The following MAPK8IP3 variants were observed in gnomAD, a reference collection of about 807,000 sequenced individuals.
MAPK8IP3 encodes C-Jun-amino-terminal kinase-interacting protein 3.
Under a neutral mutation model 157.8 loss-of-function variants are expected in MAPK8IP3, and 49 were observed. The observed-to-expected ratio is 0.31, with a 90% CI of 0.25 to 0.39. The LOEUF (loss-of-function observed/expected upper bound fraction) is 0.39, where lower values mean the gene tolerates loss of function less well. Ranked by LOEUF, MAPK8IP3 falls within the 10% of genes least tolerant of loss-of-function variation. The pLI is 1.00. For synonymous variants in MAPK8IP3, 897 were observed against 777.7 expected (o/e 1.15, Z -2.55); for missense variants, 1,478 against 1,889.4 (o/e 0.78, Z 4.04).
chr16:1,730,191 C>T (rs913771429), intron 4 of MAPK8IP3, among the ~76,000 whole-genome samples: 1 of 152,034 alleles, frequency 6.6e-6, no homozygotes, highest in African/African-American at 2.4e-5. Context: ...AGCCCAGGGG[C>T]TGGAGGCTGC....
chr16:1,740,848 C>T (rs370447915), intron 4 of MAPK8IP3, among the ~76,000 whole-genome samples: 2 of 152,200 alleles, frequency 1.3e-5, no homozygotes, highest in East Asian at 1.9e-4. Flanking sequence ...TGTGAGAGGT[C>T]GGAAGGGCCA....
chr16:1,759,328 C>A (rs980954123), intron 10 of MAPK8IP3, among the ~76,000 whole-genome samples: 6 of 152,186 alleles, frequency 3.9e-5, no homozygotes, highest in African/African-American at 1.4e-4. Flanking sequence ...ACCCCTGAGC[C>A]CAGGCACAGA....
intron 8 of MAPK8IP3, among the ~76,000 whole-genome samples, chr16:1,756,658 A>G (rs1181439201): frequency 6.7e-6 from 1 of 149,172 alleles, no homozygotes; most frequent in African/African-American, 2.5e-5. Context: ...ACACACACAC[A>G]CACACACACA....
At position 1,743,249 on chromosome 16, in the gene MAPK8IP3, G is replaced by T; in HGVS notation, c.603-83G>T. Reference sequence around the variant, plus strand: ...GCATGGAGCGGCCCCATCACTCGAGGTCTGCTTGCCCTGGGAGGGCTTGGG... The same window carrying T: ...GCATGGAGCGGCCCCATCACTCGAGTTCTGCTTGCCCTGGGAGGGCTTGGG... On this transcript the variant is annotated intron_variant, in intron 4 of 31. Transcript: ENST00000610761. The surrounding 1 kb of genome is among the most constrained non-coding windows in gnomAD (Gnocchi z 5.6). 1 of 1,453,884 alleles carries T rather than the reference G, an allele frequency of 6.9e-7. No individual in the cohort carries two copies. Among genetic ancestry groups the T allele is most frequent in the South Asian group, 1.5e-5 (1 of 65,822 alleles). 90.1% of individuals were successfully genotyped at this position (1,453,884 alleles called of 1,614,324 possible). A position where few individuals can be genotyped will look rare whatever the true frequency, so the allele number is the denominator to read the frequency against.
intron 1 of MAPK8IP3, among the ~76,000 whole-genome samples, chr16:1,709,860 G>T (rs2037654217): frequency 6.6e-6 from 1 of 152,134 alleles, no homozygotes; most frequent in African/African-American, 2.4e-5. Flanking sequence ...GAATATTAGT[G>T]GTCATTATTT....
intron 4 of MAPK8IP3, among the ~76,000 whole-genome samples, chr16:1,736,658 G>GCATC: frequency 1.5e-5 from 1 of 67,312 alleles, no homozygotes. Flanking sequence ...GTCCGTGTGA[G>GCATC]CGTGTGACCG....
chr16:1,721,855 C>T (rs1208449819), intron 1 of MAPK8IP3, among the ~76,000 whole-genome samples: 3 of 152,136 alleles, frequency 2.0e-5, no homozygotes, highest in South Asian at 2.1e-4. Flanking sequence ...CTGCAACCTC[C>T]GCCTCCCGGG....
chr16:1,729,585 G>A lies in MAPK8IP3; in HGVS notation c.602+7G>A, dbSNP rs370596762. 38 of 1,582,410 alleles carry A rather than the reference G, an allele frequency of 2.4e-5. No individual in the cohort carries two copies. The highest frequency in any genetic ancestry group is 3.1e-5 in the Non-Finnish European group (36 of 1,162,018). On this transcript the variant is annotated splice_region_variant and intron_variant, in intron 4 of 31. Transcript: ENST00000610761. ...GCAGCCTGCCGGGGCGGAGGTACGC[G>A]GGGCGCGGCGGGGTGGAGGTACGCG...
In MAPK8IP3 at chr16:1,764,484, C is replaced by A. The variant is rs750396830; in HGVS notation, c.2280+25C>A. 1.2e-5 allele frequency: 19 copies of A among 1,603,566 alleles called. No individual in the cohort carries two copies. The South Asian group carries it at 1.8e-4, about 15-fold the overall frequency. On this transcript the variant is annotated intron_variant, in intron 19 of 31. Coordinates refer to ENST00000610761, the MANE Select transcript of MAPK8IP3 (RefSeq NM_001318852.2). ...GGTGAGCATGGCCGAGGCCACCGGGCACCCTCCCTGGCTTAGTCTCAGGAC... is the reference window on the plus strand; with the variant it reads ...GGTGAGCATGGCCGAGGCCACCGGGAACCCTCCCTGGCTTAGTCTCAGGAC...
At chr16:1,750,989 T>C (rs1047848118) in intron 8 of MAPK8IP3, among the ~76,000 whole-genome samples, 1 of 151,984 alleles carries the variant, frequency 6.6e-6, no homozygotes, top group African/African-American at 2.4e-5. Flanking sequence ...CCATGGCCCA[T>C]GGCCCACAGA....
intron 8 of MAPK8IP3, among the ~76,000 whole-genome samples, chr16:1,750,271 G>T: frequency 6.6e-6 from 1 of 152,076 alleles, no homozygotes; most frequent in East Asian, 1.9e-4. Flanking sequence ...GGAATGCAGT[G>T]GCGCCATCTT....
At position 1,724,890 on chromosome 16, in the gene MAPK8IP3, C is replaced by T. The variant is rs1367795368; in HGVS notation, c.439+213C>T. ...AATAAGTAAATCAGGCCACTGTGGC[C>T]CCATAGCACTTTTGCTTCAGAGTGA... On this transcript the variant is annotated intron_variant, in intron 2 of 31. Transcript: ENST00000610761. The surrounding 1 kb of genome is among the most constrained non-coding windows in gnomAD (Gnocchi z 4.1). Among the ~76,000 whole-genome samples the T allele has an allele frequency of 2.0e-5, 3 of 152,174 alleles. No individual in the cohort carries two copies. The highest frequency in any genetic ancestry group is 7.2e-5 in the African/African-American group (3 of 41,448).
intron 2 of MAPK8IP3, among the ~76,000 whole-genome samples, chr16:1,727,038 CAT>C (rs1416753091): frequency 3.4e-5 from 5 of 147,070 alleles, no homozygotes; most frequent in Admixed American, 6.8e-5. Flanking sequence ...CTGTGTGAGT[CAT>C]GTGCTGTGTG....
At chr16:1,717,549 T>C (rs1455902711) in intron 1 of MAPK8IP3, among the ~76,000 whole-genome samples, 1 of 152,214 alleles carries the variant, frequency 6.6e-6, no homozygotes, top group Non-Finnish European at 1.5e-5. Context: ...TTCACTAGAC[T>C]CGGTTAGATA....
chr16:1,722,136 C>A (rs1368223146), intron 1 of MAPK8IP3, among the ~76,000 whole-genome samples: 3 of 152,198 alleles, frequency 2.0e-5, no homozygotes, highest in Admixed American at 2.0e-4. Flanking sequence ...TGCTAGTTAG[C>A]CACAGTTAAT....
At position 1,743,292 on chromosome 16, in the gene MAPK8IP3, C is replaced by T; in HGVS notation, c.603-40C>T. ...GGCTTGGGAAATCTTCACGGCCACC[C>T]TCTAACCATCGCTTCCTCTCCTCTC... On this transcript the variant is annotated intron_variant, in intron 4 of 31. Transcript: ENST00000610761. The surrounding 1 kb of genome is among the most constrained non-coding windows in gnomAD (Gnocchi z 5.6). 2 of 1,513,438 alleles carry T rather than the reference C, an allele frequency of 1.3e-6. No individual in the cohort carries two copies. Among genetic ancestry groups the T allele is most frequent in the Admixed American group, 2.4e-5 (1 of 41,462 alleles). The allele number at this position is 1,513,438 out of a possible 1,614,324, so 93.8% of individuals were successfully genotyped here. A position where few individuals can be genotyped will look rare whatever the true frequency, so the allele number is the denominator to read the frequency against.
chr16:1,768,685 C>T lies in MAPK8IP3; in HGVS notation c.3893-18C>T. 6.2e-7 allele frequency: 1 copy of T among 1,611,688 alleles called. No individual in the cohort carries two copies. Among genetic ancestry groups the T allele is most frequent in the Non-Finnish European group, 8.5e-7 (1 of 1,179,270 alleles). ...GCGCGGGGGGAGCCTGGCCGTCACTCTGCTGCTTTGCCCGCAGGAGACGGA... is the reference window on the plus strand; with the variant it reads ...GCGCGGGGGGAGCCTGGCCGTCACTTTGCTGCTTTGCCCGCAGGAGACGGA... On this transcript the variant is annotated intron_variant, in intron 31 of 31. Coordinates refer to ENST00000610761, the MANE Select transcript of MAPK8IP3 (RefSeq NM_001318852.2).
intron 2 of MAPK8IP3, among the ~76,000 whole-genome samples, chr16:1,725,149 T>TTTTTTATTATTATTA (rs368464070): frequency 4.2e-5 from 6 of 144,468 alleles, no homozygotes; most frequent in Non-Finnish European, 6.0e-5. Flanking sequence ...GCAGAAAGGG[T>TTTTTTATTATTATTA]TTATTATTAT....
chr16:1,737,649 T>C (rs867962407), intron 4 of MAPK8IP3, among the ~76,000 whole-genome samples: 67 of 57,000 alleles, frequency 1.2e-3, no homozygotes, highest in African/African-American at 1.9e-3. Flanking sequence ...TCCGTGTGAC[T>C]GTCCGTGTGA....
Sources: allele counts gnomAD v4.1 joint callset (sites outside exome capture counted in the v4.1 genomes callset), GRCh38; gene constraint gnomAD v4.1.1; non-coding constraint Gnocchi (gnomAD v3.1); transcripts MANE v1.5; gene names NCBI Gene and HGNC (gene_info 2026-07-23, HGNC 2026-07-21).